The following MCTP1 variants were observed in gnomAD, a reference collection of about 807,000 sequenced individuals.
MCTP1 encodes multiple C2 and transmembrane domain containing 1.
A neutral mutation model predicts 120.6 loss-of-function variants in MCTP1; 69 were observed. The observed-to-expected ratio is 0.57, with a 90% CI of 0.47 to 0.70. The LOEUF (loss-of-function observed/expected upper bound fraction) is 0.70. MCTP1 is among the 30% of genes least tolerant of loss of function. The pLI, the probability that MCTP1 is intolerant of heterozygous loss-of-function variation, is 0.00. For synonymous variants in MCTP1, 529 were observed against 493.1 expected (o/e 1.07, Z -0.96); for missense variants, 1,203 against 1,248.8 (o/e 0.96, Z 0.55).
rs561585262 is a variant in MCTP1, at chr5:94,965,031, T to C, written c.839-11670A>G. ...ATTGGTCAAATTCTGGATTTGACTA[T>C]ATTCTTATCTTTACTAATGAGTTTT... is the stretch of plus-strand genomic sequence containing the variant. On this transcript the variant is annotated intron_variant, in intron 2 of 22. Coordinates refer to ENST00000515393, the MANE Select transcript of MCTP1 (RefSeq NM_024717.7). 2.6e-5 allele frequency among the ~76,000 whole-genome samples: 4 copies of C among 152,338 alleles called. No homozygotes were observed. In the South Asian group the frequency reaches 8.3e-4, roughly 32 times the overall value.
At chr5:95,053,988 TA>T (rs779499436) in intron 1 of MCTP1, among the ~76,000 whole-genome samples, 1 of 152,188 alleles carries the variant, frequency 6.6e-6, no homozygotes, top group African/African-American at 2.4e-5. Flanking sequence ...GGGCTTTTGG[TA>T]AAAAAGTATC....
At chr5:95,274,874 C>T (rs1219762094) in intron 1 of MCTP1, among the ~76,000 whole-genome samples, 2 of 152,126 alleles carry the variant, frequency 1.3e-5, no homozygotes, top group African/African-American at 2.4e-5. Context: ...CCGCCCGCCT[C>T]GGCCTCCCAA....
chr5:95,207,991 AAGAGAGGGAG>A (rs1237232318), intron 1 of MCTP1, among the ~76,000 whole-genome samples: 141 of 57,870 alleles, frequency 2.4e-3, no homozygotes, highest in Middle Eastern at 8.6e-3. Flanking sequence ...GAGAGAGAGA[AAGAGAGGGAG>A]AGAGAGGGAG....
chr5:94,734,643 G>T (rs1309690815), intron 19 of MCTP1, among the ~76,000 whole-genome samples: 2 of 152,200 alleles, frequency 1.3e-5, no homozygotes, highest in Non-Finnish European at 2.9e-5. Flanking sequence ...ATTTTGGAGA[G>T]ATAGGATCTC....
chr5:94,918,716 A>C (rs531342664), intron 7 of MCTP1, among the ~76,000 whole-genome samples: 1 of 152,372 alleles, frequency 6.6e-6, no homozygotes, highest in South Asian at 2.1e-4. Context: ...GTGAGTCATC[A>C]GCCTTAATAA....
chr5:94,845,271 A>G (rs1406005782), intron 17 of MCTP1, among the ~76,000 whole-genome samples: 2 of 152,326 alleles, frequency 1.3e-5, no homozygotes, highest in East Asian at 3.9e-4. Context: ...AGGTGAAGGA[A>G]GAGCAACGTC....
At chr5:94,737,887 C>T (rs1014479260) in intron 19 of MCTP1, among the ~76,000 whole-genome samples, 3 of 152,276 alleles carry the variant, frequency 2.0e-5, no homozygotes, top group South Asian at 2.1e-4. Flanking sequence ...CCATGTTGCC[C>T]TTGGTGGTCT....
intron 1 of MCTP1, among the ~76,000 whole-genome samples, chr5:95,147,670 T>A (rs1037951999): frequency 1.3e-5 from 2 of 152,204 alleles, no homozygotes; most frequent in African/African-American, 4.8e-5. Flanking sequence ...ACTCTATGCT[T>A]TTTAAGTGGG....
At chr5:94,959,278 A>G (rs761645405) in intron 2 of MCTP1, among the ~76,000 whole-genome samples, 62 of 152,196 alleles carry the variant, frequency 4.1e-4, no homozygotes, top group Non-Finnish European at 6.0e-4. Context: ...TCTCAAAATA[A>G]TAAGAGATAT....
chr5:95,276,668 G>A (rs570197747), intron 1 of MCTP1, among the ~76,000 whole-genome samples: 21 of 151,448 alleles, frequency 1.4e-4, no homozygotes, highest in African/African-American at 5.1e-4. Flanking sequence ...AAACAGGTCA[G>A]GCCGGGCGCG....
At chr5:94,824,606 G>A (rs764693992) in intron 17 of MCTP1, among the ~76,000 whole-genome samples, 48 of 152,194 alleles carry the variant, frequency 3.2e-4, no homozygotes, top group Admixed American at 1.4e-3. Context: ...GTTTCAGAAG[G>A]AATGGTTACC....
intron 1 of MCTP1, among the ~76,000 whole-genome samples, chr5:95,121,338 T>C (rs1014696088): frequency 7.0e-6 from 1 of 142,036 alleles, no homozygotes; most frequent in Admixed American, 6.9e-5. Flanking sequence ...CAAAAACCAG[T>C]AGCATTTCTG....
chr5:95,266,400 G>A (rs888896308), intron 1 of MCTP1, among the ~76,000 whole-genome samples: 1 of 152,178 alleles, frequency 6.6e-6, no homozygotes, highest in Non-Finnish European at 1.5e-5. Context: ...CTGGTTTTGT[G>A]TACATTTCTA....
chr5:94,817,655 A>G (rs1784760366), intron 17 of MCTP1, among the ~76,000 whole-genome samples: 1 of 152,200 alleles, frequency 6.6e-6, no homozygotes, highest in Non-Finnish European at 1.5e-5. Context: ...AGTTGTACTA[A>G]TCAGACTTAA....
At chr5:95,060,940 C>CAAAAAAAAAAAAAAA (rs34418928) in intron 1 of MCTP1, among the ~76,000 whole-genome samples, 1 of 117,020 alleles carries the variant, frequency 8.5e-6, no homozygotes, top group Non-Finnish European at 1.8e-5. Context: ...TGCCACTCCA[C>CAAAAAAAAAAAAAAA]AAAAAAAAAA....
intron 19 of MCTP1, among the ~76,000 whole-genome samples, chr5:94,763,612 A>G (rs1447767588): frequency 6.6e-6 from 1 of 152,192 alleles, no homozygotes; most frequent in Non-Finnish European, 1.5e-5. Context: ...TACCTAACCA[A>G]GGATCCCATC....
intron 4 of MCTP1, among the ~76,000 whole-genome samples, chr5:94,941,369 G>A (rs994517610): frequency 6.6e-6 from 1 of 152,036 alleles, no homozygotes; most frequent in African/African-American, 2.4e-5. Context: ...AAAAAGTACA[G>A]GAAAGGCTGC....
At chr5:95,041,328 A>G (rs1333558929) in intron 1 of MCTP1, among the ~76,000 whole-genome samples, 11 of 150,652 alleles carry the variant, frequency 7.3e-5, no homozygotes, top group Admixed American at 1.3e-4. Context: ...AAAAAAAAAA[A>G]AAAGAAAAAA....
chr5:94,908,432 A>AT (rs1807522510), intron 10 of MCTP1, among the ~76,000 whole-genome samples: 1 of 152,038 alleles, frequency 6.6e-6, no homozygotes, highest in African/African-American at 2.4e-5. Context: ...TCTGGAGTAT[A>AT]ATTTATTTTA....
Sources: allele counts gnomAD v4.1 joint callset (sites outside exome capture counted in the v4.1 genomes callset), GRCh38; gene constraint gnomAD v4.1.1; transcripts MANE v1.5; gene names NCBI Gene and HGNC (gene_info 2026-07-23, HGNC 2026-07-21).